The following GLCCI1 variants were observed in gnomAD, a reference collection of about 807,000 sequenced individuals.
The protein encoded by GLCCI1 is glucocorticoid-induced transcript 1 protein.
In GLCCI1, 24 loss-of-function variants were observed where a neutral mutation model predicts 52.2. That is an observed-to-expected ratio of 0.46 (90% CI 0.33 to 0.65). The LOEUF is 0.65. Ranked by LOEUF, GLCCI1 falls within the 30% of genes least tolerant of loss-of-function variation. The pLI is 0.02. For synonymous variants in GLCCI1, 310 were observed against 276.5 expected (o/e 1.12, Z -1.20); for missense variants, 704 against 701.5 (o/e 1.00, Z -0.04).
chr7:7,982,093 G>A lies in GLCCI1; in HGVS notation c.457+12286G>A, dbSNP rs184870133. ...CTCAGAACTGAAGTCGTAGCTGATC[G>A]CAAGAGAGGAATGGCCATTATAGTA... On this transcript the variant is annotated intron_variant, in intron 1 of 7. Transcript: ENST00000223145. 331 of 463,556 alleles carry A rather than the reference G, an allele frequency of 7.1e-4. 1 individual carries two copies. Among genetic ancestry groups the A allele is most frequent in the African/African-American group, 5.4e-3 (262 of 48,784 alleles). 28.7% of individuals were successfully genotyped at this position (463,556 alleles called of 1,614,324 possible).
chr7:8,002,450 A>G (rs1781068535), intron 1 of GLCCI1, among the ~76,000 whole-genome samples: 1 of 152,192 alleles, frequency 6.6e-6, no homozygotes, highest in African/African-American at 2.4e-5. Flanking sequence ...TCAGTATAAT[A>G]CAATTAGAGC....
At chr7:8,055,366 G>T (rs1025537625) in intron 3 of GLCCI1, 67 bp from the exon 4 acceptor site, 7 of 924,012 alleles carry the variant, frequency 7.6e-6, no homozygotes, top group Non-Finnish European at 1.2e-5. Context: ...CAAAACTGAA[G>T]AAATAAATAT....
At chr7:8,026,272 G>GA (rs1345542488) in intron 3 of GLCCI1, among the ~76,000 whole-genome samples, 3 of 150,772 alleles carry the variant, frequency 2.0e-5, no homozygotes, top group African/African-American at 7.3e-5. Flanking sequence ...AAATGTAAAA[G>GA]AAAAAAAACA....
chr7:7,974,586 A>G (rs1159383044), intron 1 of GLCCI1, among the ~76,000 whole-genome samples: 1 of 152,160 alleles, frequency 6.6e-6, no homozygotes, highest in South Asian at 2.1e-4. Flanking sequence ...ATAAGAAAAT[A>G]AGGGAGTAAC....
intron 6 of GLCCI1, among the ~76,000 whole-genome samples, chr7:8,078,422 T>A (rs900683864): frequency 1.3e-5 from 2 of 152,128 alleles, no homozygotes; most frequent in Non-Finnish European, 2.9e-5. Context: ...ATTTTCAAAC[T>A]TGATTTATTC....
At chr7:8,045,459 C>G (rs1782099974) in intron 3 of GLCCI1, among the ~76,000 whole-genome samples, 1 of 152,140 alleles carries the variant, frequency 6.6e-6, no homozygotes, top group African/African-American at 2.4e-5. Context: ...ATGAAAGGAC[C>G]TATTGTACAG....
chr7:8,078,109 C>A (rs1782914163), intron 6 of GLCCI1, among the ~76,000 whole-genome samples: 1 of 150,280 alleles, frequency 6.7e-6, no homozygotes, highest in Non-Finnish European at 1.5e-5. Flanking sequence ...TGGCGGGCAC[C>A]TGTAGTCCCA....
chr7:7,993,056 T>C (rs971864443), intron 1 of GLCCI1, among the ~76,000 whole-genome samples: 2 of 152,206 alleles, frequency 1.3e-5, no homozygotes, highest in African/African-American at 4.8e-5. Flanking sequence ...TTTCATCTTA[T>C]GTGAGCATGT....
chr7:7,985,228 A>G (rs1333169017), intron 1 of GLCCI1, among the ~76,000 whole-genome samples: 1 of 152,052 alleles, frequency 6.6e-6, no homozygotes, highest in East Asian at 1.9e-4. Flanking sequence ...GTGTGTATGT[A>G]TGTGTATGAG....
At chr7:8,039,123 G>A (rs1441456254) in intron 3 of GLCCI1, among the ~76,000 whole-genome samples, 1 of 152,132 alleles carries the variant, frequency 6.6e-6, no homozygotes, top group Non-Finnish European at 1.5e-5. Context: ...TGTTGGTGAG[G>A]AAAAGGGAAT....
chr7:7,999,209 A>T (rs1781003445), intron 1 of GLCCI1, among the ~76,000 whole-genome samples: 1 of 152,070 alleles, frequency 6.6e-6, no homozygotes, highest in Non-Finnish European at 1.5e-5. Context: ...AATAAAAGAA[A>T]AATTAAGTAA....
intron 2 of GLCCI1, among the ~76,000 whole-genome samples, chr7:8,005,732 T>C (rs1475315746): frequency 6.6e-6 from 1 of 152,140 alleles, no homozygotes; most frequent in Non-Finnish European, 1.5e-5. Flanking sequence ...CAAACCAACA[T>C]ATGAAATGAA....
chr7:7,986,037 A>T (rs1281415188), intron 1 of GLCCI1, among the ~76,000 whole-genome samples: 2 of 152,192 alleles, frequency 1.3e-5, no homozygotes, highest in Non-Finnish European at 2.9e-5. Context: ...ACAAATCTGA[A>T]TTTTTTAAAG....
chr7:7,984,193 C>G (rs1414536552), intron 1 of GLCCI1, among the ~76,000 whole-genome samples: 1 of 152,006 alleles, frequency 6.6e-6, no homozygotes, highest in Non-Finnish European at 1.5e-5. Context: ...CTGGAGTATC[C>G]AGGACCACAG....
chr7:8,050,861 C>G (rs1404117667), intron 3 of GLCCI1, among the ~76,000 whole-genome samples: 1 of 152,116 alleles, frequency 6.6e-6, no homozygotes, highest in Non-Finnish European at 1.5e-5. Flanking sequence ...ACCTGTATTT[C>G]TTCACCTTTA....
chr7:8,073,680 C>A (rs975131095), intron 6 of GLCCI1, among the ~76,000 whole-genome samples: 1 of 152,222 alleles, frequency 6.6e-6, no homozygotes. Flanking sequence ...TGGCACATGG[C>A]AAACAATTAG....
In GLCCI1 at chr7:8,085,377, A is replaced by G. The variant is rs1013414911; in HGVS notation, c.1298+360A>G. Among the ~76,000 whole-genome samples the G allele has an allele frequency of 4.6e-5, 7 of 152,282 alleles. No individual in the cohort carries two copies. In the South Asian group the frequency reaches 8.3e-4, roughly 18 times the overall value. On this transcript the variant is annotated intron_variant, in intron 7 of 7. Coordinates refer to ENST00000223145, the MANE Select transcript of GLCCI1 (RefSeq NM_138426.4). ...CTAGCTTAAAGACAGTGTACTCCACAAGCCAGAAGATTAGTCTCCTTCCCT... is the reference window on the plus strand; with the variant it reads ...CTAGCTTAAAGACAGTGTACTCCACGAGCCAGAAGATTAGTCTCCTTCCCT...
chr7:8,047,136 C>T (rs534643113), intron 3 of GLCCI1, among the ~76,000 whole-genome samples: 1 of 152,264 alleles, frequency 6.6e-6, no homozygotes, highest in Admixed American at 6.5e-5. Flanking sequence ...GTTATCAATG[C>T]ATTTATTAGA....
chr7:8,032,812 C>T (rs768421447), intron 3 of GLCCI1, among the ~76,000 whole-genome samples: 1 of 151,458 alleles, frequency 6.6e-6, no homozygotes, highest in Non-Finnish European at 1.5e-5. Flanking sequence ...TTGATGAATT[C>T]GATCAAATAT....
Sources: allele counts gnomAD v4.1 joint callset (sites outside exome capture counted in the v4.1 genomes callset), GRCh38; gene constraint gnomAD v4.1.1; transcripts MANE v1.5; gene names NCBI Gene and HGNC (gene_info 2026-07-23, HGNC 2026-07-21).